CDKL2: variants seen among roughly 807,000 people sequenced by gnomAD.
CDKL2 encodes cyclin-dependent kinase-like 2.
Under a neutral mutation model 63.9 loss-of-function variants are expected in CDKL2, and 64 were observed. The ratio of observed to expected loss-of-function variants is 1.00; its 90% CI spans 0.82 to 1.23. The LOEUF (loss-of-function observed/expected upper bound fraction) is 1.23, where lower values mean the gene tolerates loss of function less well. CDKL2 is among the 50% of genes most tolerant of loss of function. CDKL2 has a pLI of 0.00. For missense variants in CDKL2, 656 were observed against 668.0 expected (o/e 0.98, Z 0.20); for synonymous variants, 211 against 229.2 (o/e 0.92, Z 0.72).
intron 10 of CDKL2, among the ~76,000 whole-genome samples, chr4:75,593,558 T>A (rs911099446): frequency 2.6e-5 from 4 of 152,110 alleles, no homozygotes; most frequent in African/African-American, 9.7e-5. Context: ...AAATCAGATC[T>A]AAAATTATCA....
chr4:75,625,906 C>T lies in CDKL2; in HGVS notation c.83G>A (p.Arg28Lys). 1 of 1,612,782 alleles carries T rather than the reference C, an allele frequency of 6.2e-7. No homozygotes were observed. Among genetic ancestry groups the T allele is most frequent in the Non-Finnish European group, 8.5e-7 (1 of 1,179,126 alleles). Reference protein sequence around the residue: ...VMKCRNKDTGRIVAIKKFLES... With the variant: ...VMKCRNKDTGKIVAIKKFLES... ...TAAGAACTTCTTTATGGCCACAATT[C>T]TTCCAGTATCTTTATTCCTACACTT... The change falls in exon 2 of 14, where the codon AGA (arginine) becomes AAA (lysine). Residue 28 changes from arginine (R) to lysine (K), a missense_variant. By Grantham distance (26) the Arg-to-Lys change is conservative. Coordinates refer to ENST00000307465, the MANE Select transcript of CDKL2 (RefSeq NM_001330724.2).
rs139080270 is a variant in CDKL2, at chr4:75,621,451, T to C, written c.168+4370A>G. On this transcript the variant is annotated intron_variant, in intron 2 of 13. Coordinates refer to ENST00000307465, the MANE Select transcript of CDKL2 (RefSeq NM_001330724.2). ...ATACAAGCAACGGAGCCCAGAACAG[T>C]AGGATTCTATCTTGAACATACTGAA... 3.1e-3 allele frequency among the ~76,000 whole-genome samples: 478 copies of C among 152,296 alleles called. 4 individuals carry two copies. The highest frequency in any genetic ancestry group is 0.011 in the African/African-American group (466 of 41,548).
At chr4:75,605,673 A>G in intron 4 of CDKL2, 39 bp from the exon 5 acceptor site, 1 of 1,357,212 alleles carries the variant, frequency 7.4e-7, no homozygotes, top group East Asian at 2.3e-5. Context: ...CTGGCATCCT[A>G]ATATGCTCCA....
chr4:75,591,777 G>C, intron 12 of CDKL2, 42 bp downstream of exon 12: 1 of 1,318,510 alleles, frequency 7.6e-7, no homozygotes, highest in Non-Finnish European at 1.0e-6. Context: ...AAGTAAGAGA[G>C]AGACCCGAGT....
At chr4:75,595,664 G>T (rs1407901078) in intron 10 of CDKL2, among the ~76,000 whole-genome samples, 2 of 152,092 alleles carry the variant, frequency 1.3e-5, no homozygotes, top group African/African-American at 4.8e-5. Context: ...GGCACAGATG[G>T]CTCACACCTG....
chr4:75,604,633 T>C (rs6830063), intron 5 of CDKL2, among the ~76,000 whole-genome samples: 61,115 of 152,056 alleles, frequency 0.4, 13,059 homozygotes, highest in African/African-American at 0.51. Flanking sequence ...CAAGATTAAA[T>C]CAACCTTGGA....
At chr4:75,623,888 C>A (rs1387303451) in intron 2 of CDKL2, among the ~76,000 whole-genome samples, 1 of 152,056 alleles carries the variant, frequency 6.6e-6, no homozygotes, top group Non-Finnish European at 1.5e-5. Context: ...AATCTCAGCA[C>A]TTTGGAAGGC....
chr4:75,603,875 C>CTTTCCTTGA lies in CDKL2; in HGVS notation c.728_736dup (p.Ile243_Glu245dup), dbSNP rs774617077. Reference sequence around the variant, plus strand: ...AGGATAGCGTCTTTCAAGAGGTTCTCTTTCCTTGATTTCAGGCAACCTTAC... The same window carrying CTTTCCTTGA: ...AGGATAGCGTCTTTCAAGAGGTTCTCTTTCCTTGATTTCCTTGATTTCAGGCAACCTTAC... On this transcript the variant is annotated inframe_insertion, in exon 6 of 14. Transcript: ENST00000307465. The CTTTCCTTGA allele has an allele frequency of 1.2e-6, 2 of 1,613,578 alleles. No homozygotes were observed. The highest frequency in any genetic ancestry group is 2.2e-5 in the South Asian group (2 of 90,994).
chr4:75,624,573 G>A (rs921388961), intron 2 of CDKL2, among the ~76,000 whole-genome samples: 8 of 151,184 alleles, frequency 5.3e-5, no homozygotes, highest in Admixed American at 1.3e-4. Context: ...TGAAACGACC[G>A]GGTGTGGTGG....
At chr4:75,621,080 C>T (rs1486065430) in intron 2 of CDKL2, among the ~76,000 whole-genome samples, 2 of 151,626 alleles carry the variant, frequency 1.3e-5, no homozygotes, top group Admixed American at 6.6e-5. Context: ...GGACTATAGG[C>T]GCGCACCAAC....
At chr4:75,586,104 T>A (rs976987908) in intron 12 of CDKL2, among the ~76,000 whole-genome samples, 1 of 152,164 alleles carries the variant, frequency 6.6e-6, no homozygotes, top group Non-Finnish European at 1.5e-5. Context: ...AAATTACAAA[T>A]TAATCAGTAA....
intron 7 of CDKL2, among the ~76,000 whole-genome samples, chr4:75,598,529 C>A (rs1729039301): frequency 1.3e-5 from 2 of 150,738 alleles, no homozygotes; most frequent in South Asian, 4.2e-4. Context: ...AGCAGCAAAA[C>A]CAAAATGTAC....
chr4:75,619,752 T>C (rs536901277), intron 2 of CDKL2, among the ~76,000 whole-genome samples: 25 of 151,870 alleles, frequency 1.6e-4, no homozygotes, highest in Non-Finnish European at 3.2e-4. Context: ...TATCACAAAG[T>C]AGGTAAAAAA....
rs1470892049 is a variant in CDKL2, at chr4:75,595,641, A to G, written c.1416+606T>C. 2.0e-5 allele frequency among the ~76,000 whole-genome samples: 3 copies of G among 152,172 alleles called. No individual in the cohort carries two copies. In the East Asian group the frequency reaches 5.8e-4, roughly 29 times the overall value. ...AATTTACTATGTTACTAAAGAAAAA[A>G]TAAAACAAGCCAGGCACAGATGGCT... On this transcript the variant is annotated intron_variant, in intron 10 of 13. Transcript: ENST00000307465.
chr4:75,591,971 G>T, intron 11 of CDKL2, 46 bp from the exon 12 acceptor site: 1 of 1,469,182 alleles, frequency 6.8e-7, no homozygotes, highest in Non-Finnish European at 9.2e-7. Flanking sequence ...TAGACATTTT[G>T]TTAGTTTTTA....
chr4:75,596,981 T>C lies in CDKL2; in HGVS notation c.1276A>G (p.Ile426Val). The change falls in exon 9 of 14, where the codon ATT becomes GTT. Residue 426 changes from isoleucine to valine, a missense_variant. Transcript: ENST00000307465. ...GTCTCAGTCCCCATTCCAGAATTAA[T>C]GCTGGGAGCAACTGCAGAAAGATTG... ...THNLSAVAPS[I>V]NSGMGTETIP... 1 of 1,614,218 alleles carries C rather than the reference T, an allele frequency of 6.2e-7. No homozygotes were observed. Among genetic ancestry groups the C allele is most frequent in the Non-Finnish European group, 8.5e-7 (1 of 1,179,998 alleles).
chr4:75,622,180 G>A (rs1397600579), intron 2 of CDKL2, among the ~76,000 whole-genome samples: 1 of 151,860 alleles, frequency 6.6e-6, no homozygotes, highest in African/African-American at 2.4e-5. Context: ...TATATGGAAG[G>A]CAACTAGGAA....
intron 3 of CDKL2, among the ~76,000 whole-genome samples, chr4:75,612,952 G>C (rs1729766760): frequency 6.6e-6 from 1 of 152,120 alleles, no homozygotes; most frequent in Admixed American, 6.6e-5. Context: ...GTGAAACCCC[G>C]TCTCTACTAA....
At chr4:75,590,457 A>G (rs536419343) in intron 12 of CDKL2, among the ~76,000 whole-genome samples, 10 of 152,346 alleles carry the variant, frequency 6.6e-5, no homozygotes, top group African/African-American at 2.4e-4. Flanking sequence ...CCTCATGCCT[A>G]TAATCCCAGC....
Sources: gnomAD v4.1 joint callset for allele counts (sites outside exome capture counted in the v4.1 genomes callset) on GRCh38, gnomAD v4.1.1 for gene constraint, MANE v1.5 for transcripts, NCBI Gene and HGNC (gene_info 2026-07-23, HGNC 2026-07-21) for gene names.